The following AHRR variants were observed in gnomAD, a reference collection of about 807,000 sequenced individuals.
AHRR encodes aryl hydrocarbon receptor repressor.
In AHRR, 28 loss-of-function variants were observed where a neutral mutation model predicts 44.0. The ratio of observed to expected loss-of-function variants is 0.64; its 90% confidence interval spans 0.47 to 0.87. The LOEUF (loss-of-function observed/expected upper bound fraction) is 0.87, where lower values mean the gene tolerates loss of function less well. AHRR is among the 40% of genes least tolerant of loss of function. The pLI is 0.00. For synonymous variants in AHRR, 434 were observed against 407.0 expected (o/e 1.07, Z -0.80); for missense variants, 990 against 953.9 (o/e 1.04, Z -0.50).
At position 400,239 on chromosome 5, in the gene AHRR, C is replaced by A. The variant is rs1471981098; in HGVS notation, c.352-13105C>A. Among the ~76,000 whole-genome samples, 4 of 152,208 alleles carry A rather than the reference C, an allele frequency of 2.6e-5. 1 individual carries two copies. The South Asian group carries it at 8.3e-4, about 32-fold the overall frequency. On this transcript the variant is annotated intron_variant, in intron 4 of 10. Coordinates refer to ENST00000684583, the MANE Select transcript of AHRR (RefSeq NM_001377236.1). ...CAAAAATAATCTTTGAAGTACTTGCCGGCTATTTTTTCTGCCCTGGAACTG... is the reference window on the plus strand; with the variant it reads ...CAAAAATAATCTTTGAAGTACTTGCAGGCTATTTTTTCTGCCCTGGAACTG...
intron 4 of AHRR, among the ~76,000 whole-genome samples, chr5:412,715 CTTTT>C (rs11285209): frequency 6.2e-5 from 6 of 96,950 alleles, no homozygotes; most frequent in Non-Finnish European, 8.2e-5. Flanking sequence ...CTCTCTCTCT[CTTTT>C]TTTTTTTTTT....
chr5:421,372 C>G (rs1184714641), intron 5 of AHRR: 2 of 660,784 alleles, frequency 3.0e-6, no homozygotes, highest in Admixed American at 4.4e-5. Context: ...GGAGTCCGCG[C>G]ACAGTACCAG....
intron 2 of AHRR, among the ~76,000 whole-genome samples, chr5:348,212 A>ATGCCCTG (rs1387291201): frequency 6.6e-6 from 1 of 152,102 alleles, no homozygotes; most frequent in East Asian, 1.9e-4. Context: ...CCAGGAGTGA[A>ATGCCCTG]TGCCCTGTGC....
chr5:376,555 A>ACGCGGGGAAACACAGGAAAGATGT, intron 3 of AHRR, 55 bp from the exon 4 acceptor site: 1 of 1,428,922 alleles, frequency 7.0e-7, no homozygotes. Flanking sequence ...TGAATGAAGA[A>ACGCGGGGAAACACAGGAAAGATGT]GAGTGGCCAG....
chr5:381,643 T>C (rs1733988924), intron 4 of AHRR, among the ~76,000 whole-genome samples: 1 of 149,062 alleles, frequency 6.7e-6, no homozygotes. Flanking sequence ...GCCTCCCAAG[T>C]AGCTGGGATT....
intron 4 of AHRR, among the ~76,000 whole-genome samples, chr5:412,155 C>G (rs1735492415): frequency 1.3e-5 from 2 of 152,124 alleles, no homozygotes; most frequent in South Asian, 4.1e-4. Context: ...ACGGCTGTGA[C>G]TAGGATTTAA....
rs1485797588 is a variant in AHRR, at chr5:434,143, T to C, written c.1403T>C (p.Met468Thr). Reference sequence around the variant, plus strand: ...TACTCCAGCCGGACCAGCAGACCCATGCGGGATGTCGGTGAGGACCAGGTG... The same window carrying C: ...TACTCCAGCCGGACCAGCAGACCCACGCGGGATGTCGGTGAGGACCAGGTG... The part of the protein sequence containing the change: ...SAYSSRTSRP[M>T]RDVGEDQVHP... The change falls in exon 11 of 11, where the codon ATG (methionine) becomes ACG (threonine). Residue 468 changes from methionine (M) to threonine (T), a missense_variant. By Grantham distance (81) the Met-to-Thr change is moderately conservative. Transcript: ENST00000684583. The C allele has an allele frequency of 1.9e-6, 3 of 1,610,812 alleles. No individual in the cohort carries two copies. Among genetic ancestry groups the C allele is most frequent in the Non-Finnish European group, 2.5e-6 (3 of 1,178,978 alleles).
At chr5:386,796 T>G (rs566051689) in intron 4 of AHRR, among the ~76,000 whole-genome samples, 4 of 151,784 alleles carry the variant, frequency 2.6e-5, no homozygotes, top group African/African-American at 7.3e-5. Context: ...GCCCTGAGGC[T>G]CTGGGTCCTG....
chr5:400,566 AAAC>A (rs1417983554), intron 4 of AHRR, among the ~76,000 whole-genome samples: 1 of 152,246 alleles, frequency 6.6e-6, no homozygotes, highest in Non-Finnish European at 1.5e-5. Flanking sequence ...TTTAAAAAAA[AAAC>A]AAAACTTTTG....
chr5:424,915 A>C (rs1262745814), intron 7 of AHRR, among the ~76,000 whole-genome samples: 1 of 152,212 alleles, frequency 6.6e-6, no homozygotes, highest in Non-Finnish European at 1.5e-5. Flanking sequence ...CCCACCTTGC[A>C]GACCCTCCAG....
intron 5 of AHRR, among the ~76,000 whole-genome samples, chr5:417,596 T>C (rs941352533): frequency 2.0e-5 from 3 of 152,244 alleles, no homozygotes; most frequent in Non-Finnish European, 4.4e-5. Flanking sequence ...CATGGCTCGA[T>C]GGTCTCACCC....
rs903804769 is a variant in AHRR, at chr5:429,629, T to A, written c.908+1623T>A. 3.9e-5 allele frequency among the ~76,000 whole-genome samples: 6 copies of A among 152,324 alleles called. No homozygotes were observed. The South Asian group carries it at 1.2e-3, about 32-fold the overall frequency. On this transcript the variant is annotated intron_variant, in intron 8 of 10. Coordinates refer to ENST00000684583, the MANE Select transcript of AHRR (RefSeq NM_001377236.1). ...CTGGTAACCAAGTGCAGCTCAGCCTTGCCGCGCGATCCTGCAGCCGCCACT... is the reference window on the plus strand; with the variant it reads ...CTGGTAACCAAGTGCAGCTCAGCCTAGCCGCGCGATCCTGCAGCCGCCACT...
At chr5:433,538 A>G (rs904284425) in intron 10 of AHRR, among the ~76,000 whole-genome samples, 1 of 152,114 alleles carries the variant, frequency 6.6e-6, no homozygotes, top group Non-Finnish European at 1.5e-5. Context: ...CCCCACCCCT[A>G]ACGCTAGTGA....
chr5:389,922 AG>A (rs1258723206), intron 4 of AHRR, among the ~76,000 whole-genome samples: 4 of 44,814 alleles, frequency 8.9e-5, no homozygotes, highest in African/African-American at 2.8e-4. Flanking sequence ...GAAGGGAGGG[AG>A]GGGGAGGGGG....
chr5:343,981 T>C lies in AHRR; in HGVS notation c.62+17T>C, dbSNP rs1560883740. On this transcript the variant is annotated intron_variant, in intron 2 of 10. Transcript: ENST00000684583. ...GCAGAAACAGTAAAGTATCCCGCCT[T>C]CTGCTTGTGTGGGTTGTTGCACCCA... 6.3e-7 allele frequency: 1 copy of C among 1,592,496 alleles called. No homozygotes were observed. The highest frequency in any genetic ancestry group is 1.7e-5 in the Admixed American group (1 of 58,742).
intron 1 of AHRR, among the ~76,000 whole-genome samples, chr5:324,163 A>T (rs1027061277): frequency 6.6e-6 from 1 of 151,284 alleles, no homozygotes; most frequent in African/African-American, 2.4e-5. Flanking sequence ...AGGTTCAAGC[A>T]ATTCTCCTGC....
At chr5:363,184 G>A (rs1416028494) in intron 3 of AHRR, among the ~76,000 whole-genome samples, 3 of 152,220 alleles carry the variant, frequency 2.0e-5, no homozygotes, top group Admixed American at 6.5e-5. Context: ...TGGTAGCTAT[G>A]GCTTCCAACC....
intron 1 of AHRR, among the ~76,000 whole-genome samples, chr5:328,626 A>G (rs1055813447): frequency 2.0e-5 from 3 of 152,066 alleles, no homozygotes; most frequent in African/African-American, 4.8e-5. Context: ...TTCTCTGATG[A>G]TTAGTGATGT....
intron 2 of AHRR, among the ~76,000 whole-genome samples, chr5:350,695 G>A (rs1742829716): frequency 6.6e-6 from 1 of 151,676 alleles, no homozygotes; most frequent in African/African-American, 2.4e-5. Flanking sequence ...GCACACGAGA[G>A]CAGGTCCAGG....
Sources: gnomAD v4.1 joint callset for allele counts (sites outside exome capture counted in the v4.1 genomes callset) on GRCh38, gnomAD v4.1.1 for gene constraint, MANE v1.5 for transcripts, NCBI Gene and HGNC (gene_info 2026-07-23, HGNC 2026-07-21) for gene names.